The following FRMD6 variants were observed in gnomAD, a reference collection of about 807,000 sequenced individuals.
The protein encoded by FRMD6 is FERM domain containing 6.
A neutral mutation model predicts 73.2 loss-of-function variants in FRMD6; 37 were observed. The ratio of observed to expected loss-of-function variants is 0.51; its 90% CI spans 0.39 to 0.66. The LOEUF is 0.66. FRMD6 is among the 30% of genes least tolerant of loss of function. FRMD6 has a pLI of 0.00. For synonymous variants in FRMD6, 273 were observed against 282.2 expected, an observed-to-expected ratio of 0.97 and a Z score of 0.33; for missense variants, 714 against 780.5, an observed-to-expected ratio of 0.91 and a Z score of 1.02.
chr14:51,403,812 A>G, the FRMD6 span, among the ~76,000 whole-genome samples: 1 of 152,218 alleles, frequency 6.6e-6, no homozygotes, highest in South Asian at 2.1e-4. Flanking sequence ...AATATGCCAC[A>G]AACTTAAACT....
At chr14:51,705,717 T>C (rs879348457) in intron 6 of FRMD6, among the ~76,000 whole-genome samples, 3 of 152,118 alleles carry the variant, frequency 2.0e-5, no homozygotes, top group Admixed American at 6.6e-5. Flanking sequence ...CTCAAGCCAT[T>C]TCCATCTGCC....
At chr14:51,542,578 C>T (rs1294867774) in intron 1 of FRMD6, among the ~76,000 whole-genome samples, 6 of 151,990 alleles carry the variant, frequency 3.9e-5, no homozygotes, top group Non-Finnish European at 7.4e-5. Flanking sequence ...GTGAATAGTG[C>T]TTCTATGAAC....
rs1250952341 is a variant in FRMD6, at chr14:51,729,195, GACCGATT to G, written c.*1169_*1175del. On this transcript the variant is annotated 3_prime_UTR_variant, in exon 14 of 14. Coordinates refer to ENST00000344768, the MANE Select transcript of FRMD6 (RefSeq NM_001267046.2). The stretch of plus-strand genomic sequence containing the variant: ...AAAATAATGACTGAGTCTCCCACCA[GACCGATT>G]ACATCATTCTCTTGTGGCGGGACCC... 1 of 152,148 alleles carries G rather than the reference GACCGATT, an allele frequency of 6.6e-6. No homozygotes were observed. Among genetic ancestry groups the G allele is most frequent in the Non-Finnish European group, 1.5e-5 (1 of 68,024 alleles). 9.4% of individuals were successfully genotyped at this position (152,148 alleles called of 1,614,324 possible).
intron 2 of FRMD6, 31 bp from the exon 3 acceptor site, chr14:51,698,111 T>C (rs1896062170): frequency 1.3e-6 from 2 of 1,535,196 alleles, no homozygotes; most frequent in Non-Finnish European, 1.8e-6. Context: ...AGTTGAATTG[T>C]TATTTTACGT....
chr14:51,612,453 T>C (rs185286182), intron 2 of FRMD6, among the ~76,000 whole-genome samples: 2 of 152,240 alleles, frequency 1.3e-5, no homozygotes, highest in South Asian at 4.1e-4. Context: ...AGGCCAACTA[T>C]AAGAAGACCT....
At chr14:51,436,900 A>G in the FRMD6 span, 3 of 949,332 alleles carry the variant, frequency 3.2e-6, no homozygotes, top group South Asian at 1.4e-5. Context: ...ATGAGGATGA[A>G]GGTGAAGAAG....
chr14:51,716,139 G>C (rs1241023483), intron 10 of FRMD6, among the ~76,000 whole-genome samples: 1 of 152,064 alleles, frequency 6.6e-6, no homozygotes, highest in Non-Finnish European at 1.5e-5. Context: ...ATCATGTCAG[G>C]GTGGGAAAGA....
intron 1 of FRMD6, among the ~76,000 whole-genome samples, chr14:51,537,487 G>A (rs901938599): frequency 5.3e-5 from 8 of 152,172 alleles, no homozygotes; most frequent in Admixed American, 2.6e-4. Flanking sequence ...ATTTTATGTA[G>A]ACTTAAGTTT....
chr14:51,474,877 A>G, the FRMD6 span, among the ~76,000 whole-genome samples: 2 of 152,200 alleles, frequency 1.3e-5, no homozygotes, highest in African/African-American at 2.4e-5. Flanking sequence ...ACACTGCACT[A>G]AAGATTTAGG....
At chr14:51,467,047 G>A in the FRMD6 span, among the ~76,000 whole-genome samples, 1 of 152,064 alleles carries the variant, frequency 6.6e-6, no homozygotes, top group Admixed American at 6.5e-5. Context: ...GGACAATAGT[G>A]GAGGGAAGGT....
intron 1 of FRMD6, among the ~76,000 whole-genome samples, chr14:51,500,382 C>G (rs1356124522): frequency 1.3e-5 from 2 of 152,022 alleles, no homozygotes; most frequent in Non-Finnish European, 2.9e-5. Flanking sequence ...CACAAATTAG[C>G]CAGGCGTGGT....
chr14:51,723,422 C>T (rs1216263573), intron 12 of FRMD6, among the ~76,000 whole-genome samples: 3 of 151,774 alleles, frequency 2.0e-5, no homozygotes, highest in East Asian at 1.9e-4. Context: ...AAGTAAAAAG[C>T]CTGGCTGTTT....
At chr14:51,471,843 A>G in the FRMD6 span, among the ~76,000 whole-genome samples, 1 of 152,222 alleles carries the variant, frequency 6.6e-6, no homozygotes, top group African/African-American at 2.4e-5. Flanking sequence ...AAGGAAAACA[A>G]GAGGAGAAAA....
At chr14:51,588,186 C>T (rs140505463) in intron 2 of FRMD6, among the ~76,000 whole-genome samples, 155 of 152,146 alleles carry the variant, frequency 1.0e-3, no homozygotes, top group African/African-American at 3.7e-3. Flanking sequence ...AGCATTTCCC[C>T]CCCTCCCAAA....
At chr14:51,516,223 C>CAAA (rs750031039) in intron 1 of FRMD6, among the ~76,000 whole-genome samples, 10 of 150,978 alleles carry the variant, frequency 6.6e-5, no homozygotes, top group Admixed American at 5.3e-4. Flanking sequence ...GACACACTCA[C>CAAA]AAAAAAACAA....
intron 1 of FRMD6, among the ~76,000 whole-genome samples, chr14:51,544,179 A>G (rs941975181): frequency 6.6e-6 from 1 of 152,086 alleles, no homozygotes. Flanking sequence ...TCCAACAGAT[A>G]AGAACGCTTA....
intron 1 of FRMD6, among the ~76,000 whole-genome samples, chr14:51,667,637 G>A (rs186176894): frequency 2.6e-5 from 4 of 152,240 alleles, no homozygotes; most frequent in East Asian, 3.9e-4. Context: ...AGGAACTCAC[G>A]TTACTTACAA....
At chr14:51,412,971 T>C in the FRMD6 span, among the ~76,000 whole-genome samples, 1 of 151,666 alleles carries the variant, frequency 6.6e-6, no homozygotes, top group African/African-American at 2.4e-5. Flanking sequence ...AAACTGTTGA[T>C]TTACCTTGCC....
intron 7 of FRMD6, among the ~76,000 whole-genome samples, chr14:51,710,270 A>C (rs4432190): frequency 0.28 from 42,763 of 151,970 alleles, 6,323 homozygotes; most frequent in African/African-American, 0.36. Flanking sequence ...TATTCTTTGG[A>C]GAAATTCAGC....
Sources: gnomAD v4.1 joint callset for allele counts (sites outside exome capture counted in the v4.1 genomes callset) on GRCh38, gnomAD v4.1.1 for gene constraint, MANE v1.5 for transcripts, NCBI Gene and HGNC (gene_info 2026-07-23, HGNC 2026-07-21) for gene names.